The following DRC11 variants were observed in gnomAD, a reference collection of about 807,000 sequenced individuals.
DRC11 encodes the protein IQ and AAA domain-containing protein 1.
chr2:236,373,874 A>G, the DRC11 span, among the ~76,000 whole-genome samples: 221 of 152,190 alleles, frequency 1.5e-3, 6 homozygotes, highest in East Asian at 0.04. Context: ...GGCCTTCTCT[A>G]TGCTTCATCT....
the DRC11 span, among the ~76,000 whole-genome samples, chr2:236,326,476 A>G: frequency 6.6e-6 from 1 of 152,074 alleles, no homozygotes; most frequent in Admixed American, 6.6e-5. Flanking sequence ...GATCATGTTT[A>G]GTTTAGAGTT....
the DRC11 span, among the ~76,000 whole-genome samples, chr2:236,406,981 G>A: frequency 7.9e-5 from 12 of 152,242 alleles, 1 homozygote; most frequent in African/African-American, 2.6e-4. The surrounding 1 kb of genome is among the most constrained non-coding windows in gnomAD (Gnocchi z 4.7). Flanking sequence ...TCTTGACCTC[G>A]TGATCCGCCT....
chr2:236,358,894 G>GA, the DRC11 span, among the ~76,000 whole-genome samples: 1 of 150,120 alleles, frequency 6.7e-6, no homozygotes, highest in East Asian at 1.9e-4. Flanking sequence ...GCCCCACCCT[G>GA]TGGGAGGATG....
the DRC11 span, among the ~76,000 whole-genome samples, chr2:236,396,961 C>T: frequency 4.6e-5 from 7 of 152,232 alleles, no homozygotes; most frequent in East Asian, 1.4e-3. Context: ...AGGGTGGGCG[C>T]GGGCAGAGGG....
At chr2:236,476,314 AT>A in the DRC11 span, among the ~76,000 whole-genome samples, 1 of 151,758 alleles carries the variant, frequency 6.6e-6, no homozygotes, top group East Asian at 1.9e-4. This position sits in a 1 kb window ranked among gnomAD's most constrained non-coding sequence, Gnocchi z 4.7. Context: ...GGTGTTTCAT[AT>A]TTTTTGTAGC....
the DRC11 span, among the ~76,000 whole-genome samples, chr2:236,440,294 G>A: frequency 2.6e-5 from 4 of 152,198 alleles, no homozygotes; most frequent in Admixed American, 6.5e-5. Flanking sequence ...GGCTTTAGAG[G>A]AAGGGTTAGT....
the DRC11 span, among the ~76,000 whole-genome samples, chr2:236,506,677 C>T: frequency 2.0e-5 from 3 of 152,172 alleles, no homozygotes; most frequent in Non-Finnish European, 4.4e-5. The surrounding 1 kb of genome is among the most constrained non-coding windows in gnomAD (Gnocchi z 4.9). Context: ...GCGGTTAGAA[C>T]AGTGTCTACA....
At chr2:236,438,646 A>G in the DRC11 span, among the ~76,000 whole-genome samples, 1 of 152,076 alleles carries the variant, frequency 6.6e-6, no homozygotes, top group African/African-American at 2.4e-5. Context: ...TTCTCCTTGA[A>G]GAGGTCCTTC....
the DRC11 span, among the ~76,000 whole-genome samples, chr2:236,468,749 G>A: frequency 6.6e-5 from 10 of 152,240 alleles, no homozygotes; most frequent in East Asian, 3.9e-4. Flanking sequence ...TAGTTTTCAC[G>A]GAGATGTTAA....
the DRC11 span, among the ~76,000 whole-genome samples, chr2:236,455,591 G>A: frequency 5.9e-5 from 9 of 152,136 alleles, no homozygotes; most frequent in South Asian, 2.1e-4. The surrounding 1 kb of genome is among the most constrained non-coding windows in gnomAD (Gnocchi z 5.7). Flanking sequence ...GGTCGCTCTC[G>A]CTATTTGTGG....
the DRC11 span, among the ~76,000 whole-genome samples, chr2:236,419,899 C>T: frequency 2.6e-5 from 4 of 152,188 alleles, no homozygotes; most frequent in African/African-American, 9.7e-5. The surrounding 1 kb of genome is among the most constrained non-coding windows in gnomAD (Gnocchi z 4.8). Flanking sequence ...CAACAGTGTT[C>T]ACTGAGCACT....
At chr2:236,355,236 G>A in the DRC11 span, among the ~76,000 whole-genome samples, 2 of 152,142 alleles carry the variant, frequency 1.3e-5, no homozygotes, top group African/African-American at 4.8e-5. Flanking sequence ...CTAGTGAGGT[G>A]TCTGTCTGTG....
chr2:236,503,496 T>C, the DRC11 span: 44 of 910,744 alleles, frequency 4.8e-5, 1 homozygote, highest in Non-Finnish European at 7.4e-5. This position sits in a 1 kb window ranked among gnomAD's most constrained non-coding sequence, Gnocchi z 4.9. Context: ...GCTTGAGCCT[T>C]CCGGGTCCTG....
the DRC11 span, among the ~76,000 whole-genome samples, chr2:236,491,234 T>C: frequency 1.9e-3 from 123 of 66,402 alleles, 13 homozygotes; most frequent in Non-Finnish European, 3.2e-3. Flanking sequence ...TATATATATA[T>C]ATATATACAC....
the DRC11 span, among the ~76,000 whole-genome samples, chr2:236,320,426 C>G: frequency 6.6e-6 from 1 of 152,178 alleles, no homozygotes; most frequent in African/African-American, 2.4e-5. Context: ...GACCACCTAC[C>G]ACAATTACGG....
At chr2:236,474,696 C>A in the DRC11 span, among the ~76,000 whole-genome samples, 32 of 152,150 alleles carry the variant, frequency 2.1e-4, no homozygotes, top group African/African-American at 6.7e-4. Flanking sequence ...GGGTGTTGAA[C>A]AGAGAAATAC....
At chr2:236,441,675 G>A in the DRC11 span, among the ~76,000 whole-genome samples, 1 of 152,030 alleles carries the variant, frequency 6.6e-6, no homozygotes, top group Non-Finnish European at 1.5e-5. Context: ...ATTTCAGAAG[G>A]GGTAGACAGA....
chr2:236,408,754 C>T, the DRC11 span: 18 of 679,162 alleles, frequency 2.7e-5, no homozygotes, highest in Non-Finnish European at 4.1e-5. This position sits in a 1 kb window ranked among gnomAD's most constrained non-coding sequence, Gnocchi z 5.5. Flanking sequence ...ATGTACTGAG[C>T]GAAGATGGTC....
At chr2:236,404,853 C>T in the DRC11 span, among the ~76,000 whole-genome samples, 3 of 152,132 alleles carry the variant, frequency 2.0e-5, no homozygotes, top group East Asian at 3.9e-4. Context: ...TTCACAGTTC[C>T]GGAAACTGGC....
Sources: allele counts gnomAD v4.1 joint callset (sites outside exome capture counted in the v4.1 genomes callset), GRCh38; gene constraint gnomAD v4.1.1; non-coding constraint Gnocchi (gnomAD v3.1); transcripts MANE v1.5; gene names NCBI Gene and HGNC (gene_info 2026-07-23, HGNC 2026-07-21).